The following WNK1 variants were observed in gnomAD, a reference collection of about 807,000 sequenced individuals.
WNK1 encodes WNK lysine deficient protein kinase 1, also known as serine/threonine-protein kinase WNK1.
Under a neutral mutation model 222.8 loss-of-function variants are expected in WNK1, and 38 were observed. The observed-to-expected ratio is 0.17, with a 90% CI of 0.13 to 0.22. The LOEUF is 0.22. Among genes scored for constraint, WNK1 ranks in the 10% least tolerant of loss-of-function variants. The pLI, the probability that WNK1 is intolerant of heterozygous loss-of-function variation, is 1.00. For synonymous variants in WNK1, 1,090 were observed against 1,092.9 expected, an observed-to-expected ratio of 1.00 and a Z score of 0.05; for missense variants, 2,348 against 2,918.4, an observed-to-expected ratio of 0.80 and a Z score of 4.50.
At chr12:799,156 C>T (rs1387475381) in intron 1 of WNK1, among the ~76,000 whole-genome samples, 1 of 152,070 alleles carries the variant, frequency 6.6e-6, no homozygotes, top group Non-Finnish European at 1.5e-5. Flanking sequence ...CAGAGTCTTG[C>T]TCTGTTGCCC....
In WNK1 at chr12:827,314, A is replaced by G. The variant is rs2154026009; in HGVS notation, c.1153+52A>G. 6.7e-7 allele frequency: 1 copy of G among 1,485,362 alleles called. No individual in the cohort carries two copies. Among genetic ancestry groups the G allele is most frequent in the Middle Eastern group, 1.7e-4 (1 of 5,796 alleles). 92.0% of individuals were successfully genotyped at this position (1,485,362 alleles called of 1,614,324 possible). On this transcript the variant is annotated intron_variant, in intron 3 of 27. Coordinates refer to ENST00000315939, the MANE Select transcript of WNK1 (RefSeq NM_018979.4). The surrounding 1 kb of genome is among the most constrained non-coding windows in gnomAD (Gnocchi z 4.6). ...TGACTGGCTTTCTCACATTCCTTTT[A>G]TTTAGAATCCTGGCTCTGTCAGAGT... is the stretch of plus-strand genomic sequence containing the variant.
At chr12:886,170 A>G (rs1953629310) in intron 19 of WNK1, 86 bp downstream of exon 19, 2 of 1,181,318 alleles carry the variant, frequency 1.7e-6, no homozygotes, top group Non-Finnish European at 2.4e-6. Flanking sequence ...CAGCCTTGTA[A>G]GTTAGAAACA....
At chr12:789,860 C>T (rs982924785) in intron 1 of WNK1, among the ~76,000 whole-genome samples, 1 of 152,210 alleles carries the variant, frequency 6.6e-6, no homozygotes, top group African/African-American at 2.4e-5. Flanking sequence ...TCAGCCATCA[C>T]ATGCATCCTG....
Position 829,458 on chromosome 12 carries a change from G to A in WNK1, c.1154-545G>A, listed in dbSNP as rs72648628. Among the ~76,000 whole-genome samples, 274 of 152,180 alleles carry A rather than the reference G, an allele frequency of 1.8e-3. 1 individual carries two copies. The highest frequency in any genetic ancestry group is 6.2e-3 in the African/African-American group (256 of 41,504). ...TTTTTTAAAAAATGTATTGAATATC[G>A]GGTTTTTCACTGCAAGGCCTTCTTA... is the stretch of plus-strand genomic sequence containing the variant. On this transcript the variant is annotated intron_variant, in intron 3 of 27. Coordinates refer to ENST00000315939, the MANE Select transcript of WNK1 (RefSeq NM_018979.4).
At chr12:809,170 G>A (rs1946668994) in intron 1 of WNK1, among the ~76,000 whole-genome samples, 1 of 148,654 alleles carries the variant, frequency 6.7e-6, no homozygotes, top group African/African-American at 2.5e-5. Flanking sequence ...AGAAGGGGCT[G>A]ATAGAGGAGT....
intron 1 of WNK1, among the ~76,000 whole-genome samples, chr12:808,816 T>C (rs1033659093): frequency 2.7e-5 from 4 of 149,940 alleles, no homozygotes; most frequent in African/African-American, 7.4e-5. Context: ...TAGGCTGGAA[T>C]GCAATGGCGA....
At chr12:801,423 TTGTGTGTGTGTGTGTGTGTGTG>T (rs367875366) in intron 1 of WNK1, among the ~76,000 whole-genome samples, 2 of 143,878 alleles carry the variant, frequency 1.4e-5, no homozygotes, top group South Asian at 2.3e-4. Flanking sequence ...CTTTTTTTCT[TTGTGTGTGTGTGTGTGTGTGTG>T]TGTGTGTGTG....
At chr12:881,366 A>C in intron 12 of WNK1, 1 of 452,402 alleles carries the variant, frequency 2.2e-6, no homozygotes, top group Non-Finnish European at 4.1e-6. Context: ...AGAAGATCTG[A>C]ATTCATCTTT....
At chr12:888,832 G>C (rs1565590530) in intron 20 of WNK1, among the ~76,000 whole-genome samples, 1 of 152,108 alleles carries the variant, frequency 6.6e-6, no homozygotes, top group South Asian at 2.1e-4. Flanking sequence ...TATTTTAAAG[G>C]TCGCACAAAT....
Position 851,269 on chromosome 12 carries a change from A to G in WNK1, c.1312-5892A>G, listed in dbSNP as rs1022972703. The stretch of plus-strand genomic sequence containing the variant: ...TCTTTTAAAGTACACTTTCAAAATG[A>G]TTGGAGGAAGGGAGTGTTTTTGGTA... On this transcript the variant is annotated intron_variant, in intron 4 of 27. Transcript: ENST00000315939. The G allele has an allele frequency of 7.5e-6, 5 of 670,436 alleles. No individual in the cohort carries two copies. In the African/African-American group the frequency reaches 9.8e-5, roughly 13 times the overall value. The allele number at this position is 670,436 out of a possible 1,614,324, so 41.5% of individuals were successfully genotyped here. A position where few individuals can be genotyped will look rare whatever the true frequency, so the allele number is the denominator to read the frequency against.
At chr12:869,505 G>T (rs1385659332) in intron 8 of WNK1, among the ~76,000 whole-genome samples, 1 of 151,922 alleles carries the variant, frequency 6.6e-6, no homozygotes, top group African/African-American at 2.4e-5. Context: ...TAAAAAATAG[G>T]ATAAATTTTT....
chr12:832,590 G>A (rs557674597), intron 4 of WNK1, among the ~76,000 whole-genome samples: 22 of 152,276 alleles, frequency 1.4e-4, no homozygotes, highest in Non-Finnish European at 2.4e-4. Context: ...GAAGTTTGAG[G>A]TTTCATACCC....
chr12:893,777 C>T (rs970827494), intron 22 of WNK1, among the ~76,000 whole-genome samples: 39 of 143,832 alleles, frequency 2.7e-4, no homozygotes, highest in African/African-American at 8.2e-4. Context: ...GAGCCAAGAT[C>T]GCACCACTGC....
Position 764,617 on chromosome 12 carries a change from C to T in WNK1, c.759+10293C>T, listed in dbSNP as rs145468290. On this transcript the variant is annotated intron_variant, in intron 1 of 27. Transcript: ENST00000315939. The stretch of plus-strand genomic sequence containing the variant: ...CAGCATTGCACTCCAGCCTGGGCAA[C>T]GAGCGAAACTCCGTCTCAAAAAAAA... 4.7e-3 allele frequency among the ~76,000 whole-genome samples: 481 copies of T among 102,432 alleles called. 7 individuals are homozygous for T. The highest frequency in any genetic ancestry group is 0.015 in the African/African-American group (438 of 28,420). The allele number at this position is 102,432 out of a possible 152,430, so 67.2% of individuals were successfully genotyped here.
At chr12:906,192 T>G (rs1955683016) in intron 26 of WNK1, 1 of 589,584 alleles carries the variant, frequency 1.7e-6, no homozygotes, top group South Asian at 7.5e-5. Flanking sequence ...CAACTTACTT[T>G]AGGAGCTTTT....
intron 1 of WNK1, among the ~76,000 whole-genome samples, chr12:805,959 C>T (rs1946334546): frequency 6.6e-6 from 1 of 151,968 alleles, no homozygotes; most frequent in African/African-American, 2.4e-5. Context: ...CTGATAATAT[C>T]GATAGTCCAA....
At chr12:775,625 A>G (rs1943000125) in intron 1 of WNK1, among the ~76,000 whole-genome samples, 1 of 152,096 alleles carries the variant, frequency 6.6e-6, no homozygotes, top group African/African-American at 2.4e-5. Context: ...GCAGTGAGCT[A>G]TGGTCGTGCC....
chr12:890,578 G>T, intron 22 of WNK1, 65 bp downstream of exon 22: 13 of 1,572,174 alleles, frequency 8.3e-6, no homozygotes, highest in Non-Finnish European at 1.1e-5. Flanking sequence ...GATTCAGGAG[G>T]TTTACCGTTT....
At chr12:850,482 T>C (rs1950338597) in intron 4 of WNK1, among the ~76,000 whole-genome samples, 1 of 152,194 alleles carries the variant, frequency 6.6e-6, no homozygotes, top group Non-Finnish European at 1.5e-5. Flanking sequence ...CTTTGTCAGA[T>C]GAGTAGATTG....
Sources: gnomAD v4.1 joint callset for allele counts (sites outside exome capture counted in the v4.1 genomes callset) on GRCh38, gnomAD v4.1.1 for gene constraint, Gnocchi (gnomAD v3.1) non-coding constraint, MANE v1.5 for transcripts, NCBI Gene and HGNC (gene_info 2026-07-23, HGNC 2026-07-21) for gene names.